GLB1L2: variants seen among roughly 807,000 people sequenced by gnomAD.
GLB1L2 encodes galactosidase beta 1 like 2.
In GLB1L2, 68 loss-of-function variants were observed where a neutral mutation model predicts 84.1. The ratio of observed to expected loss-of-function variants is 0.81; its 90% CI spans 0.67 to 0.99. The LOEUF is 0.99. Among genes scored for constraint, GLB1L2 ranks in the 50% least tolerant of loss-of-function variants. The pLI is 0.00. For synonymous variants in GLB1L2, 290 were observed against 318.0 expected (o/e 0.91, Z 0.94); for missense variants, 762 against 805.6 (o/e 0.95, Z 0.66).
intron 1 of GLB1L2, among the ~76,000 whole-genome samples, chr11:134,341,038 T>C (rs983755899): frequency 1.3e-5 from 2 of 152,184 alleles, no homozygotes; most frequent in African/African-American, 2.4e-5. Flanking sequence ...ATAAGATGGC[T>C]TGGCACAAAG....
chr11:134,357,884 C>T (rs892134212), intron 6 of GLB1L2, among the ~76,000 whole-genome samples: 4 of 152,156 alleles, frequency 2.6e-5, no homozygotes, highest in African/African-American at 9.7e-5. Flanking sequence ...GGGGTGGAGT[C>T]GGTAAATGAA....
intron 1 of GLB1L2, among the ~76,000 whole-genome samples, 196 bp downstream of exon 1, chr11:134,332,343 G>A (rs959458727): frequency 2.0e-5 from 3 of 152,092 alleles, no homozygotes; most frequent in Admixed American, 6.5e-5. Context: ...CGCGATCCAG[G>A]CCTCTGGGCG....
In GLB1L2 at chr11:134,346,951, A is replaced by G. The variant is rs114369484; in HGVS notation, c.450-374A>G. The G allele has an allele frequency of 3.3e-3, 704 of 214,550 alleles. 6 individuals are homozygous for G. The highest frequency in any genetic ancestry group is 0.015 in the African/African-American group (667 of 44,764). The allele number at this position is 214,550 out of a possible 1,614,324, so 13.3% of individuals were successfully genotyped here. A position where few individuals can be genotyped will look rare whatever the true frequency, so the allele number is the denominator to read the frequency against. ...CTAGAAGGTTGTGTCTCCTCCTTCC[A>G]CAGCCTCAGTGATTCCTAACCCTTT... On this transcript the variant is annotated intron_variant, in intron 4 of 18. Transcript: ENST00000535456.
In GLB1L2 at chr11:134,367,287, T is replaced by G. The variant is rs780274260; in HGVS notation, c.835T>G (p.Trp279Gly). 2.5e-6 allele frequency: 4 copies of G among 1,614,202 alleles called. No homozygotes were observed. Among genetic ancestry groups the G allele is most frequent in the Admixed American group, 1.7e-5 (1 of 60,022 alleles). The part of the protein sequence containing the change: ...GTQPKMVMEY[W>G]TGWFDSWGGP... Reference sequence around the variant, plus strand: ...TCAGCCCAAGATGGTGATGGAGTACTGGACGGGGTGGTTTGACTCGTGGGG... The same window carrying G: ...TCAGCCCAAGATGGTGATGGAGTACGGGACGGGGTGGTTTGACTCGTGGGG... The change falls in exon 9 of 19, where the codon TGG (tryptophan) becomes GGG (glycine). Residue 279 changes from tryptophan (W) to glycine (G), a missense_variant. This residue lies in a region of GLB1L2 where 603 missense variants were observed against 611.7 expected (regional missense o/e 0.99). Transcript: ENST00000535456.
At chr11:134,371,851 A>G (rs1353864801) in intron 15 of GLB1L2, 21 bp downstream of exon 15, 4 of 1,609,890 alleles carry the variant, frequency 2.5e-6, no homozygotes, top group African/African-American at 1.3e-5. Context: ...GAATGTGTCA[A>G]AAGAAGAGTG....
At chr11:134,368,111 C>G (rs969389768) in intron 9 of GLB1L2, among the ~76,000 whole-genome samples, 22 of 152,186 alleles carry the variant, frequency 1.4e-4, no homozygotes, top group African/African-American at 4.6e-4. Context: ...ATTAAAATAA[C>G]TTTTAATATT....
chr11:134,375,567 C>G lies in GLB1L2; in HGVS notation c.*509C>G, dbSNP rs1052206379. ...AGCTGACTTTGTTCTTCCTTCACAA[C>G]CTTCTGAGCCTTCTTTGGGATTCTG... On this transcript the variant is annotated 3_prime_UTR_variant, in exon 19 of 19. Transcript: ENST00000535456. The G allele has an allele frequency of 6.5e-6, 1 of 152,688 alleles. No individual in the cohort carries two copies. Among genetic ancestry groups the G allele is most frequent in the Non-Finnish European group, 1.5e-5 (1 of 68,368 alleles). The allele number at this position is 152,688 out of a possible 1,614,324, so 9.5% of individuals were successfully genotyped here.
chr11:134,353,451 T>A (rs972650968), intron 5 of GLB1L2, among the ~76,000 whole-genome samples: 2 of 152,170 alleles, frequency 1.3e-5, no homozygotes, highest in Non-Finnish European at 2.9e-5. Flanking sequence ...TTTTTTTGGC[T>A]TACTATATGG....
rs1019914951 is a variant in GLB1L2 at position 134,370,044 on chromosome 11, T to A, written c.1108+159T>A. ...AGGGAGGTGTGTGAGGCTGTTTCCA[T>A]CTTGCCGGCTTCACCTGTTACAGGT... On this transcript the variant is annotated intron_variant, in intron 11 of 18. Coordinates refer to ENST00000535456, the MANE Select transcript of GLB1L2 (RefSeq NM_001370461.1). The surrounding 1 kb of genome is among the most constrained non-coding windows in gnomAD (Gnocchi z 4.7). Among the ~76,000 whole-genome samples, 1 of 152,068 alleles carries A rather than the reference T, an allele frequency of 6.6e-6. No individual in the cohort carries two copies. The highest frequency in any genetic ancestry group is 1.5e-5 in the Non-Finnish European group (1 of 67,996).
intron 8 of GLB1L2, among the ~76,000 whole-genome samples, chr11:134,365,354 T>G (rs1194717238): frequency 3.9e-5 from 6 of 152,232 alleles, no homozygotes; most frequent in Admixed American, 3.9e-4. Flanking sequence ...CAGCTGGGTC[T>G]CTGCCTTCCT....
rs1468199036 is a variant in GLB1L2 at position 134,334,989 on chromosome 11, ATC to A, written c.86+2847_86+2848del. On this transcript the variant is annotated intron_variant, in intron 1 of 18. Coordinates refer to ENST00000535456, the MANE Select transcript of GLB1L2 (RefSeq NM_001370461.1). The surrounding 1 kb of genome is among the most constrained non-coding windows in gnomAD (Gnocchi z 4.1). ...CGAGCAAGAATACAGGCAACGCTGC[ATC>A]TCTCATACCTGAAATTTTAGCTGGG... 2.0e-5 allele frequency among the ~76,000 whole-genome samples: 3 copies of A among 152,152 alleles called. No individual in the cohort carries two copies. Among genetic ancestry groups the A allele is most frequent in the Non-Finnish European group, 4.4e-5 (3 of 68,040 alleles).
intron 5 of GLB1L2, among the ~76,000 whole-genome samples, chr11:134,355,630 A>C (rs538228962): frequency 6.6e-6 from 1 of 151,866 alleles, no homozygotes; most frequent in South Asian, 2.1e-4. Context: ...CCAGAGTCTC[A>C]CCCCAGCTTC....
chr11:134,347,211 C>A, intron 4 of GLB1L2, 114 bp from the exon 5 acceptor site: 1 of 803,480 alleles, frequency 1.2e-6, no homozygotes, highest in Non-Finnish European at 2.2e-6. Flanking sequence ...TGGAGGAGGG[C>A]ACAGGTCATT....
chr11:134,354,399 AAAT>A (rs1233059099), intron 5 of GLB1L2, among the ~76,000 whole-genome samples: 1 of 152,044 alleles, frequency 6.6e-6, no homozygotes, highest in Non-Finnish European at 1.5e-5. Flanking sequence ...ATCTTGTAGA[AAAT>A]AAAAAGCCAC....
chr11:134,368,315 C>G (rs561504813), intron 9 of GLB1L2, among the ~76,000 whole-genome samples: 63 of 152,302 alleles, frequency 4.1e-4, no homozygotes, highest in African/African-American at 1.5e-3. Context: ...ACTTGATACA[C>G]CTGGTCAGGC....
At chr11:134,348,272 G>A (rs1021870259) in intron 5 of GLB1L2, among the ~76,000 whole-genome samples, 2 of 152,128 alleles carry the variant, frequency 1.3e-5, no homozygotes, top group South Asian at 4.1e-4. Context: ...TATTGCATGG[G>A]TCATACTTAC....
chr11:134,356,197 T>G, intron 5 of GLB1L2, 104 bp from the exon 6 acceptor site: 1 of 876,926 alleles, frequency 1.1e-6, no homozygotes, highest in Non-Finnish European at 1.9e-6. Context: ...AGATTTTAGT[T>G]TTCAATGGGA....
intron 7 of GLB1L2, among the ~76,000 whole-genome samples, chr11:134,363,561 T>C (rs558078610): frequency 1.3e-5 from 2 of 152,356 alleles, no homozygotes; most frequent in African/African-American, 4.8e-5. Flanking sequence ...GTTTCACTGA[T>C]AGAAAGCCAC....
intron 13 of GLB1L2, 37 bp downstream of exon 13, chr11:134,371,185 G>T (rs1236213813): frequency 6.2e-7 from 1 of 1,612,484 alleles, no homozygotes; most frequent in African/African-American, 1.3e-5. Flanking sequence ...TGACCTTCTG[G>T]TGAGCAGCTC....
Sources: gnomAD v4.1 joint callset for allele counts (sites outside exome capture counted in the v4.1 genomes callset) on GRCh38, gnomAD v4.1.1 for gene constraint, gnomAD v4.1.1 regional missense constraint, Gnocchi (gnomAD v3.1) non-coding constraint, MANE v1.5 for transcripts, NCBI Gene and HGNC (gene_info 2026-07-23, HGNC 2026-07-21) for gene names.